Variants in EXOC5 observed in about 807,000 individuals in gnomAD.
The protein encoded by EXOC5 is SEC10-like 1.
In EXOC5, 17 loss-of-function variants were observed where a neutral mutation model predicts 90.8. The ratio of observed to expected loss-of-function variants is 0.19; its 90% CI spans 0.13 to 0.28. EXOC5 has a LOEUF of 0.28. EXOC5 is among the 10% of genes least tolerant of loss of function. EXOC5 has a pLI of 1.00. For synonymous variants in EXOC5, 260 were observed against 270.0 expected, an observed-to-expected ratio of 0.96 and a Z score of 0.36; for missense variants, 569 against 830.6, an observed-to-expected ratio of 0.69 and a Z score of 3.87.
intron 12 of EXOC5, among the ~76,000 whole-genome samples, chr14:57,225,838 G>A (rs1426092349): frequency 6.6e-6 from 1 of 152,162 alleles, no homozygotes; most frequent in African/African-American, 2.4e-5. Context: ...ATGTACAGTG[G>A]TTCTGTCCGG....
rs1047161177 is a variant in EXOC5, at chr14:57,207,208, G to A, written c.*1401C>T. On this transcript the variant is annotated 3_prime_UTR_variant, in exon 18 of 18. Transcript: ENST00000621441. ...ACTAAGTTAGCTCTGGACTTAGAAG[G>A]TTTGGTAAAGTTGATGACATTCAGA... The A allele has an allele frequency of 1.3e-5, 2 of 152,408 alleles. No individual in the cohort carries two copies. The highest frequency in any genetic ancestry group is 6.6e-5 in the Admixed American group (1 of 15,230). The allele number at this position is 152,408 out of a possible 1,614,324, so 9.4% of individuals were successfully genotyped here. A position where few individuals can be genotyped will look rare whatever the true frequency, so the allele number is the denominator to read the frequency against.
chr14:57,257,625 C>A (rs960892080), intron 1 of EXOC5, among the ~76,000 whole-genome samples: 3 of 151,612 alleles, frequency 2.0e-5, no homozygotes, highest in African/African-American at 7.3e-5. Flanking sequence ...CAAGGGTTTA[C>A]GAGAAGTCAG....
Position 57,201,406 on chromosome 14 carries a change from G to A in EXOC5, c.*7203C>T, listed in dbSNP as rs1279029056. 4.2e-5 allele frequency: 6 copies of A among 143,242 alleles called. No homozygotes were observed. The highest frequency in any genetic ancestry group is 8.9e-5 in the Non-Finnish European group (6 of 67,278). 8.9% of individuals were successfully genotyped at this position (143,242 alleles called of 1,614,324 possible). A position where few individuals can be genotyped will look rare whatever the true frequency, so the allele number is the denominator to read the frequency against. ...CTATGAATACATAGTGATATCAAGA[G>A]AATTCTGATTAGTATATATATATAC... On this transcript the variant is annotated 3_prime_UTR_variant, in exon 18 of 18. Coordinates refer to ENST00000621441, the MANE Select transcript of EXOC5 (RefSeq NM_006544.4).
At chr14:57,220,026 A>C (rs1883080570) in intron 13 of EXOC5, among the ~76,000 whole-genome samples, 1 of 152,220 alleles carries the variant, frequency 6.6e-6, no homozygotes, top group East Asian at 1.9e-4. Context: ...TTTGTAAAGA[A>C]TAACAGATGA....
intron 10 of EXOC5, 87 bp from the exon 11 acceptor site, chr14:57,231,802 C>T (rs954418800): frequency 2.3e-6 from 2 of 852,504 alleles, no homozygotes; most frequent in East Asian, 2.6e-5. Flanking sequence ...TACAACGTGA[C>T]TTTCATGACT....
chr14:57,234,386 CACAT>C (rs1294730802), intron 7 of EXOC5, among the ~76,000 whole-genome samples: 5 of 151,522 alleles, frequency 3.3e-5, no homozygotes, highest in Non-Finnish European at 5.9e-5. Context: ...CCCACCCACA[CACAT>C]ACACACAAAC....
At chr14:57,234,594 T>G (rs903889159) in intron 7 of EXOC5, among the ~76,000 whole-genome samples, 1 of 150,090 alleles carries the variant, frequency 6.7e-6, no homozygotes, top group African/African-American at 2.5e-5. Context: ...AGACAGGATT[T>G]CACTCCTGTC....
chr14:57,229,830 C>G lies in EXOC5; in HGVS notation c.1200G>C (p.Gly400=). 1.3e-6 allele frequency: 2 copies of G among 1,524,884 alleles called. No individual in the cohort carries two copies. The highest frequency in any genetic ancestry group is 8.9e-7 in the Non-Finnish European group (1 of 1,128,302). The allele number at this position is 1,524,884 out of a possible 1,614,324, so 94.5% of individuals were successfully genotyped here. Residue 400 remains glycine, a synonymous_variant, in exon 12 of 18, where the codon GGG becomes GGC. Transcript: ENST00000621441. ...TCTCCCCATGAGTATCGATACTTGG[C>G]CCAAGTGGTAAGTTGGTACGCTGTC... ...RIRQRTNLPL[G]PSIDTHGETF... is the part of the protein sequence containing the mutation.
chr14:57,241,890 T>A (rs77074600), intron 4 of EXOC5, among the ~76,000 whole-genome samples: 3 of 151,804 alleles, frequency 2.0e-5, no homozygotes, highest in Non-Finnish European at 4.4e-5. Flanking sequence ...TCCCAGCACT[T>A]TGGGAGGCCG....
chr14:57,257,567 G>C (rs539019593), intron 1 of EXOC5, among the ~76,000 whole-genome samples: 1 of 152,256 alleles, frequency 6.6e-6, no homozygotes, highest in African/African-American at 2.4e-5. Flanking sequence ...TAAGAGGTCA[G>C]TGTCCTGAAA....
Position 57,232,671 on chromosome 14 carries a change from T to C in EXOC5, c.934A>G (p.Thr312Ala), listed in dbSNP as rs1253813976. 7.3e-7 allele frequency: 1 copy of C among 1,370,484 alleles called. No individual in the cohort carries two copies. The highest frequency in any genetic ancestry group is 1.5e-5 in the African/African-American group (1 of 68,388). The allele number at this position is 1,370,484 out of a possible 1,614,324, so 84.9% of individuals were successfully genotyped here. A position where few individuals can be genotyped will look rare whatever the true frequency, so the allele number is the denominator to read the frequency against. The change falls in exon 10 of 18, where the codon ACA (threonine) becomes GCA (alanine). Residue 312 changes from threonine (T) to alanine (A), a missense_variant. Physicochemically the swap from Thr to Ala is moderately conservative, Grantham distance 58. Coordinates refer to ENST00000621441, the MANE Select transcript of EXOC5 (RefSeq NM_006544.4). ...TTCTAATCATTAAAAATTTACCTTG[T>C]ATACAGATCATAGAGATTTTTGAGA... ...QYLKNLYDLY[T>A]RTTNLSSKLM...
intron 13 of EXOC5, 119 bp downstream of exon 13, chr14:57,222,189 C>G: frequency 1.8e-6 from 1 of 542,016 alleles, no homozygotes; most frequent in Non-Finnish European, 3.3e-6. Flanking sequence ...GCTCAAACTT[C>G]ATTGCACCGA....
chr14:57,243,567 A>C (rs1594672752), intron 4 of EXOC5: 1 of 152,282 alleles, frequency 6.6e-6, no homozygotes, highest in South Asian at 2.1e-4. Flanking sequence ...AAGTGAGCTA[A>C]ATTACCTTCT....
intron 1 of EXOC5, among the ~76,000 whole-genome samples, chr14:57,252,261 T>G (rs1248658590): frequency 2.0e-5 from 3 of 152,198 alleles, no homozygotes; most frequent in East Asian, 3.9e-4. Context: ...ACAAGGAAAC[T>G]ACAGACTAAT....
chr14:57,209,627 C>CGTAT lies in EXOC5; in HGVS notation c.1877_1878insATAC (p.Met626IlefsTer10). 6.2e-7 allele frequency: 1 copy of CGTAT among 1,613,436 alleles called. No homozygotes were observed. Among genetic ancestry groups the CGTAT allele is most frequent in the Non-Finnish European group, 8.5e-7 (1 of 1,179,590 alleles). On this transcript the variant is annotated frameshift_variant, in exon 17 of 18. Transcript: ENST00000621441. LOFTEE classifies it high-confidence loss of function. Reference sequence around the variant, plus strand: ...CATCACAAATGGCCAACATGCCACCCATACAACTGTAGGAATATTGTTGAA... The same window carrying CGTAT: ...CATCACAAATGGCCAACATGCCACCCGTATATACAACTGTAGGAATATTGTTGAA...
At chr14:57,260,741 TAAAG>T (rs942050807) in intron 1 of EXOC5, among the ~76,000 whole-genome samples, 2 of 152,156 alleles carry the variant, frequency 1.3e-5, no homozygotes, top group Admixed American at 6.5e-5. Context: ...TTTTTATAAA[TAAAG>T]AAACTGAGGA....
At chr14:57,235,959 G>A (rs1883645202) in intron 6 of EXOC5, 139 bp from the exon 7 acceptor site, 2 of 594,266 alleles carry the variant, frequency 3.4e-6, no homozygotes, top group Non-Finnish European at 6.0e-6. Flanking sequence ...GAGATTATAG[G>A]CCGTGAACCC....
At chr14:57,234,066 T>A in intron 7 of EXOC5, 34 bp from the exon 8 acceptor site, 3 of 1,423,032 alleles carry the variant, frequency 2.1e-6, no homozygotes, top group Non-Finnish European at 3.0e-6. Flanking sequence ...ATTATTCTGA[T>A]TCAATTATAA....
At position 57,207,108 on chromosome 14, in the gene EXOC5, A is replaced by T. The variant is rs1380314136; in HGVS notation, c.*1501T>A. 6.6e-6 allele frequency: 1 copy of T among 152,516 alleles called. No homozygotes were observed. The highest frequency in any genetic ancestry group is 6.6e-5 in the Admixed American group (1 of 15,242). 9.4% of individuals were successfully genotyped at this position (152,516 alleles called of 1,614,324 possible). ...GCTCTGAAAGAAGTTGGTATACTTC[A>T]TTCCCCAGCTTACCTTGGTAACACT... On this transcript the variant is annotated 3_prime_UTR_variant, in exon 18 of 18. Coordinates refer to ENST00000621441, the MANE Select transcript of EXOC5 (RefSeq NM_006544.4).
Sources: gnomAD v4.1 joint callset for allele counts (sites outside exome capture counted in the v4.1 genomes callset) on GRCh38, gnomAD v4.1.1 for gene constraint, MANE v1.5 for transcripts, NCBI Gene and HGNC (gene_info 2026-07-23, HGNC 2026-07-21) for gene names.